SLIT3: variants seen among roughly 807,000 people sequenced by gnomAD.
SLIT3 encodes slit homolog 3 protein.
SLIT3 carries 68 observed loss-of-function variants against 184.0 expected under a neutral mutation model. That is an observed-to-expected ratio of 0.37 (90% CI 0.30 to 0.45). The LOEUF (loss-of-function observed/expected upper bound fraction) is 0.45. Ranked by LOEUF, SLIT3 falls within the 20% of genes least tolerant of loss-of-function variation. SLIT3 has a pLI of 1.00. For missense variants in SLIT3, 1,707 were observed against 2,026.0 expected, an observed-to-expected ratio of 0.84 and a Z score of 3.02; for synonymous variants, 831 against 828.6, an observed-to-expected ratio of 1.00 and a Z score of -0.05.
chr5:168,671,823 C>G (rs1379054409), intron 33 of SLIT3, among the ~76,000 whole-genome samples: 1 of 152,176 alleles, frequency 6.6e-6, no homozygotes, highest in Non-Finnish European at 1.5e-5. Context: ...GACCGTTCCC[C>G]CCAATAGGCA....
chr5:168,948,040 C>T (rs1762540409), intron 4 of SLIT3, among the ~76,000 whole-genome samples: 1 of 152,114 alleles, frequency 6.6e-6, no homozygotes, highest in Admixed American at 6.5e-5. Context: ...GATCCGCCCA[C>T]CTCAGCCTCC....
chr5:168,761,034 C>T (rs779501572), intron 15 of SLIT3, 98 bp from the exon 16 acceptor site: 15 of 888,918 alleles, frequency 1.7e-5, no homozygotes, highest in Middle Eastern at 2.9e-4. Context: ...ACCTCACACT[C>T]GGTGAAGGAC....
chr5:168,903,274 G>T (rs1251556174), intron 4 of SLIT3, among the ~76,000 whole-genome samples: 1 of 152,208 alleles, frequency 6.6e-6, no homozygotes, highest in Non-Finnish European at 1.5e-5. Flanking sequence ...CATAGGGCTG[G>T]AGATGAAAAG....
At chr5:169,036,126 T>C (rs1287908904) in intron 4 of SLIT3, 2 of 152,236 alleles carry the variant, frequency 1.3e-5, no homozygotes, top group Non-Finnish European at 2.9e-5. Context: ...CCATCTGCTT[T>C]GTAGCCATTA....
intron 2 of SLIT3, 106 bp from the exon 3 acceptor site, chr5:169,244,882 G>T: frequency 1.1e-6 from 1 of 925,930 alleles, no homozygotes; most frequent in Non-Finnish European, 1.7e-6. Flanking sequence ...TCCCATGATC[G>T]TCAGTGTCCC....
At position 168,794,281 on chromosome 5, in the gene SLIT3, A is replaced by G. The variant is rs533581555; in HGVS notation, c.1007+1226T>C. Among the ~76,000 whole-genome samples, 14 of 152,284 alleles carry G rather than the reference A, an allele frequency of 9.2e-5. No individual in the cohort carries two copies. In the South Asian group the frequency reaches 2.5e-3, roughly 27 times the overall value. Reference sequence around the variant, plus strand: ...GGATGTGAAAAGAGTAAGTGGAATGAAAACAGCAACTCGGTTACTGGGCTC... The same window carrying G: ...GGATGTGAAAAGAGTAAGTGGAATGGAAACAGCAACTCGGTTACTGGGCTC... On this transcript the variant is annotated intron_variant, in intron 10 of 35. Coordinates refer to ENST00000519560, the MANE Select transcript of SLIT3 (RefSeq NM_003062.4).
intron 4 of SLIT3, among the ~76,000 whole-genome samples, chr5:169,125,752 G>T (rs1761055457): frequency 6.6e-6 from 1 of 152,186 alleles, no homozygotes; most frequent in Non-Finnish European, 1.5e-5. Flanking sequence ...GAACGTGACT[G>T]CCATTTGTGC....
At chr5:169,177,165 G>A (rs145440881) in intron 4 of SLIT3, among the ~76,000 whole-genome samples, 1 of 152,250 alleles carries the variant, frequency 6.6e-6, no homozygotes, top group East Asian at 1.9e-4. Context: ...CATCACACAA[G>A]GCAAATGCAG....
chr5:168,787,092 A>G (rs1015940322), intron 11 of SLIT3, among the ~76,000 whole-genome samples: 5 of 152,228 alleles, frequency 3.3e-5, no homozygotes, highest in Admixed American at 6.5e-5. Flanking sequence ...TGAAGAGTGA[A>G]TGTCTCCATC....
intron 4 of SLIT3, among the ~76,000 whole-genome samples, chr5:169,059,831 T>A (rs911248337): frequency 1.3e-5 from 2 of 152,138 alleles, no homozygotes; most frequent in Non-Finnish European, 2.9e-5. Flanking sequence ...AATGTTTGAG[T>A]TCCCCTCAAA....
chr5:168,871,200 A>G (rs1759505993), intron 5 of SLIT3, among the ~76,000 whole-genome samples: 1 of 152,086 alleles, frequency 6.6e-6, no homozygotes, highest in African/African-American at 2.4e-5. Flanking sequence ...CTTCCAGCAC[A>G]TGTCTTTTTT....
chr5:169,158,941 CACCAATAATTACATTA>C (rs1377436285), intron 4 of SLIT3, among the ~76,000 whole-genome samples: 2 of 152,214 alleles, frequency 1.3e-5, no homozygotes, highest in African/African-American at 2.4e-5. Context: ...AGACTTGGCA[CACCAATAATTACATTA>C]AATGTAAATG....
chr5:169,044,587 T>TGGG (rs57256659), intron 4 of SLIT3, among the ~76,000 whole-genome samples: 6 of 70,638 alleles, frequency 8.5e-5, no homozygotes, highest in African/African-American at 2.5e-4. Context: ...TGGAGGAAGG[T>TGGG]GGGGGGGGGG....
chr5:169,102,310 A>AT (rs574513560), intron 4 of SLIT3, among the ~76,000 whole-genome samples: 1 of 152,274 alleles, frequency 6.6e-6, no homozygotes, highest in South Asian at 2.1e-4. Flanking sequence ...GAACATAGAC[A>AT]TTTTTGGATT....
At chr5:169,089,840 G>C (rs1339335951) in intron 4 of SLIT3, among the ~76,000 whole-genome samples, 1 of 152,184 alleles carries the variant, frequency 6.6e-6, no homozygotes, top group Non-Finnish European at 1.5e-5. Flanking sequence ...CTTGGCCTAG[G>C]GTTCCAGAGG....
intron 5 of SLIT3, among the ~76,000 whole-genome samples, chr5:168,857,270 T>G (rs1758917123): frequency 6.6e-6 from 1 of 152,180 alleles, no homozygotes; most frequent in South Asian, 2.1e-4. Context: ...GGGAAATAAG[T>G]GCATTGTTCA....
chr5:168,773,503 C>T (rs1755637570), intron 13 of SLIT3, among the ~76,000 whole-genome samples: 1 of 152,102 alleles, frequency 6.6e-6, no homozygotes, highest in Non-Finnish European at 1.5e-5. Context: ...CAATATATAG[C>T]AGCTGCTCCT....
chr5:169,268,175 G>A lies in SLIT3; in HGVS notation c.198-16716C>T, dbSNP rs1370687211. ...GATGCACATTTGGGAAGGATGATGC[G>A]AAGTAATCACAGAATAACGTTAAGG... On this transcript the variant is annotated intron_variant, in intron 1 of 35. Coordinates refer to ENST00000519560, the MANE Select transcript of SLIT3 (RefSeq NM_003062.4). Among the ~76,000 whole-genome samples the A allele has an allele frequency of 6.6e-5, 10 of 152,276 alleles. 1 individual carries two copies. The highest frequency in any genetic ancestry group is 4.1e-4 in the South Asian group (2 of 4,828).
intron 8 of SLIT3, among the ~76,000 whole-genome samples, chr5:168,816,736 G>A (rs1404035678): frequency 6.6e-6 from 1 of 152,160 alleles, no homozygotes; most frequent in Non-Finnish European, 1.5e-5. Context: ...TTTACCAAGG[G>A]CTGTGTATTA....
Sources: allele counts gnomAD v4.1 joint callset (sites outside exome capture counted in the v4.1 genomes callset), GRCh38; gene constraint gnomAD v4.1.1; transcripts MANE v1.5; gene names NCBI Gene and HGNC (gene_info 2026-07-23, HGNC 2026-07-21).